The following LIN37 variants were observed in gnomAD, a reference collection of about 807,000 sequenced individuals.
LIN37 encodes the protein lin-37 DREAM MuvB core complex component.
LIN37 carries 21 observed loss-of-function variants against 38.0 expected under a neutral mutation model. That is an observed-to-expected ratio of 0.55 (90% CI 0.39 to 0.80). LIN37 has a LOEUF of 0.80. Ranked by LOEUF, LIN37 falls within the 30% of genes least tolerant of loss-of-function variation. The probability of loss-of-function intolerance (pLI) is 0.00; values close to 1 mark genes in which losing one functional copy is unlikely to be tolerated. For missense variants in LIN37, 273 were observed against 338.5 expected (o/e 0.81, Z 1.52); for synonymous variants, 126 against 122.9 (o/e 1.03, Z -0.17).
intron 1 of LIN37, chr19:35,749,041 C>CT (rs1323564917): frequency 7.2e-5 from 81 of 1,120,708 alleles, no homozygotes; most frequent in South Asian, 2.4e-4. Flanking sequence ...TTTCTTTCCT[C>CT]TTTTTTTTAA....
In LIN37 at chr19:35,752,798, C is replaced by G. The variant is rs745912781; in HGVS notation, c.162-6C>G. ...TTGTCTGAGGGTCAACTGTCTTTCC[C>G]CACAGGGACTGCTCCATCGCAGCCA... is the stretch of plus-strand genomic sequence containing the variant. On this transcript the variant is annotated splice_region_variant and splice_polypyrimidine_tract_variant and intron_variant, in intron 3 of 8. Coordinates refer to ENST00000301159, the MANE Select transcript of LIN37 (RefSeq NM_019104.3). 1 of 1,609,202 alleles carries G rather than the reference C, an allele frequency of 6.2e-7. No homozygotes were observed. Among genetic ancestry groups the G allele is most frequent in the East Asian group, 2.2e-5 (1 of 44,676 alleles).
At chr19:35,749,182 C>T (rs932727049) in intron 1 of LIN37, among the ~76,000 whole-genome samples, 2 of 152,070 alleles carry the variant, frequency 1.3e-5, no homozygotes, top group Admixed American at 6.6e-5. Context: ...CGTGAGTCCC[C>T]GCGCCCAGCC....
At chr19:35,749,081 C>A in intron 1 of LIN37, 1 of 827,364 alleles carries the variant, frequency 1.2e-6, no homozygotes, top group Non-Finnish European at 1.5e-6. Flanking sequence ...TAAATAGAGA[C>A]GGAGTATCGC....
At chr19:35,753,778 G>A in intron 6 of LIN37, 2 of 584,774 alleles carry the variant, frequency 3.4e-6, no homozygotes, top group Non-Finnish European at 6.1e-6. Flanking sequence ...GACTCCCTGG[G>A]CTGACAGGTG....
intron 6 of LIN37, 170 bp downstream of exon 6, chr19:35,753,423 C>A: frequency 1.2e-6 from 1 of 822,588 alleles, no homozygotes; most frequent in Admixed American, 2.0e-5. Flanking sequence ...GGGTGTGGAT[C>A]AGAGTCCCTA....
intron 1 of LIN37, among the ~76,000 whole-genome samples, chr19:35,749,826 A>G (rs1459748406): frequency 6.6e-6 from 1 of 150,574 alleles, no homozygotes; most frequent in Non-Finnish European, 1.5e-5. Flanking sequence ...AAAAGAAAGG[A>G]AAAGAAAAGA....
At chr19:35,751,926 C>T in intron 1 of LIN37, 1 of 315,104 alleles carries the variant, frequency 3.2e-6, no homozygotes, top group Non-Finnish European at 5.9e-6. Flanking sequence ...TTTTTAAAAC[C>T]CAAAAGGCTC....
chr19:35,752,927 T>G lies in LIN37; in HGVS notation c.205T>G (p.Phe69Val). 6.3e-7 allele frequency: 1 copy of G among 1,575,708 alleles called. No individual in the cohort carries two copies. Among genetic ancestry groups the G allele is most frequent in the Non-Finnish European group, 8.6e-7 (1 of 1,160,432 alleles). Residue 69 changes from phenylalanine (F) to valine (V), a missense_variant, in exon 5 of 9, where the codon TTC becomes GTC. Coordinates refer to ENST00000301159, the MANE Select transcript of LIN37 (RefSeq NM_019104.3). ...CTCCCTACGCAGGCCATCTGCCCGC[T>G]TCCCCCACCAGCGGAGGAAGAAGAG... The part of the protein sequence containing the change: ...AATGKRPSAR[F>V]PHQRRKKRRE...
chr19:35,752,704 T>C, intron 3 of LIN37, 100 bp from the exon 4 acceptor site: 1 of 1,488,420 alleles, frequency 6.7e-7, no homozygotes, highest in Admixed American at 1.9e-5. Context: ...GCAAGTGGGG[T>C]TCATGTGAGC....
At position 35,748,868 on chromosome 19, in the gene LIN37, C is replaced by T. The variant is rs1970639493; in HGVS notation, c.34+110C>T. 8 of 1,597,414 alleles carry T rather than the reference C, an allele frequency of 5.0e-6. No individual in the cohort carries two copies. In the East Asian group the frequency reaches 1.8e-4, roughly 36 times the overall value. On this transcript the variant is annotated intron_variant, in intron 1 of 8. Coordinates refer to ENST00000301159, the MANE Select transcript of LIN37 (RefSeq NM_019104.3). Reference sequence around the variant, plus strand: ...GGGACTGCACGACTTTTCCCTGAAGCCCACCTGACAATCGCTGTATCAGGC... The same window carrying T: ...GGGACTGCACGACTTTTCCCTGAAGTCCACCTGACAATCGCTGTATCAGGC...
chr19:35,749,054 T>C, intron 1 of LIN37: 4 of 1,028,654 alleles, frequency 3.9e-6, no homozygotes, highest in Non-Finnish European at 4.9e-6. Flanking sequence ...TTTTTTAATT[T>C]AAATTTTTAA....
chr19:35,751,059 G>T (rs1301127544), intron 1 of LIN37, among the ~76,000 whole-genome samples: 1 of 152,096 alleles, frequency 6.6e-6, no homozygotes, highest in Admixed American at 6.5e-5. Flanking sequence ...GGGCATGGTG[G>T]CTCACGCCTG....
chr19:35,751,726 G>A (rs962841713), intron 1 of LIN37, among the ~76,000 whole-genome samples: 1 of 151,948 alleles, frequency 6.6e-6, no homozygotes, highest in Admixed American at 6.6e-5. Context: ...GTTATTATTT[G>A]TAATATATAG....
At chr19:35,754,214 G>A in intron 7 of LIN37, 32 bp from the exon 8 acceptor site, 5 of 1,613,988 alleles carry the variant, frequency 3.1e-6, no homozygotes, top group Non-Finnish European at 2.5e-6. Context: ...GCTCAGGAAT[G>A]GCCACTCAAC....
At chr19:35,749,720 G>A (rs576218130) in intron 1 of LIN37, among the ~76,000 whole-genome samples, 4 of 151,228 alleles carry the variant, frequency 2.6e-5, no homozygotes, top group Non-Finnish European at 5.9e-5. Flanking sequence ...CAGGAGGATC[G>A]CTGGAGCCGG....
In LIN37 at chr19:35,752,474, A is replaced by G; in HGVS notation, c.151A>G (p.Thr51Ala). 1 of 1,613,942 alleles carries G rather than the reference A, an allele frequency of 6.2e-7. No individual in the cohort carries two copies. The highest frequency in any genetic ancestry group is 1.1e-5 in the South Asian group (1 of 91,080). The change falls in exon 3 of 9, where the codon ACC (threonine) becomes GCC (alanine). Residue 51 changes from threonine to alanine, a missense_variant. Physicochemically the swap from Thr to Ala is moderately conservative, Grantham distance 58. Transcript: ENST00000301159. ...GGAAGCTGGGAAAACACCCTCAGAC[A>G]CCCACAATAAGTGAGTTTTTCTGAT... Reference protein sequence around the residue: ...DEEAGKTPSDTHNKDCSIAAT... With the variant: ...DEEAGKTPSDAHNKDCSIAAT...
In LIN37 at chr19:35,754,413, G is replaced by A. The variant is rs182129539; in HGVS notation, c.680G>A (p.Arg227Gln). The A allele has an allele frequency of 8.4e-5, 135 of 1,613,990 alleles. No individual in the cohort carries two copies. The highest frequency in any genetic ancestry group is 3.3e-4 in the Middle Eastern group (2 of 6,062). The change falls in exon 9 of 9, where the codon CGG becomes CAG. Residue 227 changes from arginine (R) to glutamine (Q), a missense_variant. Arg to Gln is a conservative substitution (Grantham distance 43). Coordinates refer to ENST00000301159, the MANE Select transcript of LIN37 (RefSeq NM_019104.3). Reference sequence around the variant, plus strand: ...CCCAGGTGGAAGGAGGCCTCTCATCGGAACCAGCTTCGTTACTCAGAAAGC... The same window carrying A: ...CCCAGGTGGAAGGAGGCCTCTCATCAGAACCAGCTTCGTTACTCAGAAAGC... ...IRQRWKEASH[R>Q]NQLRYSESMK... is the part of the protein sequence containing the mutation.
intron 6 of LIN37, 24 bp downstream of exon 6, chr19:35,753,277 C>T: frequency 6.5e-7 from 1 of 1,542,370 alleles, no homozygotes; most frequent in Non-Finnish European, 8.7e-7. Flanking sequence ...TGGGTCCCAG[C>T]CCAGCAGCCT....
At chr19:35,748,843 G>A (rs766278504) in intron 1 of LIN37, 85 bp downstream of exon 1, 6 of 1,608,912 alleles carry the variant, frequency 3.7e-6, no homozygotes, top group Non-Finnish European at 5.1e-6. Flanking sequence ...TCGCGGAAAG[G>A]GGACTGCACG....
Sources: allele counts gnomAD v4.1 joint callset (sites outside exome capture counted in the v4.1 genomes callset), GRCh38; gene constraint gnomAD v4.1.1; transcripts MANE v1.5; gene names NCBI Gene and HGNC (gene_info 2026-07-23, HGNC 2026-07-21).